The following PDZD7 variants were observed in gnomAD, a reference collection of about 807,000 sequenced individuals.
PDZD7 encodes the protein PDZ domain containing 7.
In PDZD7, 72 loss-of-function variants were observed where a neutral mutation model predicts 84.7. That is an observed-to-expected ratio of 0.85 (90% confidence interval 0.70 to 1.03). PDZD7 has a LOEUF of 1.03. Ranked by LOEUF, PDZD7 falls within the 50% of genes least tolerant of loss-of-function variation. The probability of loss-of-function intolerance (pLI) is 0.00; values close to 1 mark genes in which losing one functional copy is unlikely to be tolerated. For missense variants in PDZD7, 1,490 were observed against 1,412.9 expected (o/e 1.05, Z -0.87); for synonymous variants, 594 against 580.7 (o/e 1.02, Z -0.33).
At chr10:101,018,698 T>A in intron 8 of PDZD7, 124 bp downstream of exon 8, 1 of 1,281,500 alleles carries the variant, frequency 7.8e-7, no homozygotes, top group Non-Finnish European at 1.0e-6. Context: ...AGCCTGGAGC[T>A]TGGGTTGGGC....
At position 101,030,290 on chromosome 10, in the gene PDZD7, G is replaced by C; in HGVS notation, c.-71C>G. The stretch of plus-strand genomic sequence containing the variant: ...CTAGCTCTGGAGAGGCCAGCCCTGC[G>C]TGCTTCGAGCTCCATGAGCCTCTGT... On this transcript the variant is annotated 5_prime_UTR_variant, in exon 2 of 17. Transcript: ENST00000619208. 1 of 1,366,396 alleles carries C rather than the reference G, an allele frequency of 7.3e-7. No homozygotes were observed. The highest frequency in any genetic ancestry group is 1.0e-6 in the Non-Finnish European group (1 of 990,244). The allele number at this position is 1,366,396 out of a possible 1,614,324, so 84.6% of individuals were successfully genotyped here.
chr10:101,014,922 T>C (rs1169275384), intron 11 of PDZD7, among the ~76,000 whole-genome samples: 1 of 152,154 alleles, frequency 6.6e-6, no homozygotes, highest in East Asian at 1.9e-4. Context: ...AAGAGCCCAG[T>C]GTACACACAC....
chr10:101,029,017 C>T (rs1937888791), intron 2 of PDZD7, among the ~76,000 whole-genome samples: 1 of 152,210 alleles, frequency 6.6e-6, no homozygotes, highest in Non-Finnish European at 1.5e-5. Context: ...CTGAACAGTC[C>T]AGTCTGGGAT....
At position 101,008,367 on chromosome 10, in the gene PDZD7, G is replaced by T; in HGVS notation, c.*100C>A. The T allele has an allele frequency of 8.3e-7, 1 of 1,208,680 alleles. No homozygotes were observed. The highest frequency in any genetic ancestry group is 1.1e-6 in the Non-Finnish European group (1 of 889,066). 74.9% of individuals were successfully genotyped at this position (1,208,680 alleles called of 1,614,324 possible). A position where few individuals can be genotyped will look rare whatever the true frequency, so the allele number is the denominator to read the frequency against. ...CCAGTGTGGCACTGGGAGGAGGCAG[G>T]GTGGGCAGGAGCTGGAGAGTCCTGA... is the stretch of plus-strand genomic sequence containing the variant. On this transcript the variant is annotated 3_prime_UTR_variant, in exon 17 of 17. Transcript: ENST00000619208.
intron 7 of PDZD7, among the ~76,000 whole-genome samples, 170 bp from the exon 8 acceptor site, chr10:101,019,387 C>A (rs1016031886): frequency 8.5e-5 from 13 of 152,180 alleles, no homozygotes; most frequent in Non-Finnish European, 1.3e-4. Flanking sequence ...TGACCTAAGG[C>A]ATGTCACTTC....
chr10:101,019,205 AC>A lies in PDZD7; in HGVS notation c.940del (p.Val314CysfsTer125), dbSNP rs1359184406. 2 of 1,535,732 alleles carry A rather than the reference AC, an allele frequency of 1.3e-6. No homozygotes were observed. Among genetic ancestry groups the A allele is most frequent in the Non-Finnish European group, 1.7e-6 (2 of 1,146,792 alleles). On this transcript the variant is annotated frameshift_variant, in exon 8 of 17. Coordinates refer to ENST00000619208, the MANE Select transcript of PDZD7 (RefSeq NM_001195263.2). LOFTEE classifies it high-confidence loss of function. ...AGAGGCCGGGGACAGCTGCTGCAGCACCCCGTTGCTCACTGCAGGGAGTAGA... is the reference window on the plus strand; with the variant it reads ...AGAGGCCGGGGACAGCTGCTGCAGCACCCGTTGCTCACTGCAGGGAGTAGA... ...YCWLDRLSNG[V>X]LQQLSPASES...
chr10:101,010,092 G>C (rs1040943801), intron 15 of PDZD7, among the ~76,000 whole-genome samples, 180 bp downstream of exon 15: 1 of 151,786 alleles, frequency 6.6e-6, no homozygotes, highest in South Asian at 2.1e-4. Flanking sequence ...ACGGGGTTTC[G>C]CCATGTAGCC....
chr10:101,025,549 T>C (rs1347334221), intron 2 of PDZD7, among the ~76,000 whole-genome samples: 1 of 150,382 alleles, frequency 6.6e-6, no homozygotes, highest in Non-Finnish European at 1.5e-5. Flanking sequence ...TTTATTTATT[T>C]ATTTATTTAT....
chr10:101,008,209 C>A lies in PDZD7; in HGVS notation c.*258G>T. 1 of 508,906 alleles carries A rather than the reference C, an allele frequency of 2.0e-6. No individual in the cohort carries two copies. Among genetic ancestry groups the A allele is most frequent in the Non-Finnish European group, 3.4e-6 (1 of 290,506 alleles). 31.5% of individuals were successfully genotyped at this position (508,906 alleles called of 1,614,324 possible). ...CTCCAGACCTTGGCTTTCTCACCCC[C>A]TATCCTGGCTTGGGAGGTTGGGGAG... is the stretch of plus-strand genomic sequence containing the variant. On this transcript the variant is annotated 3_prime_UTR_variant, in exon 17 of 17. Coordinates refer to ENST00000619208, the MANE Select transcript of PDZD7 (RefSeq NM_001195263.2).
chr10:101,017,885 A>AAGAG (rs1390774301), intron 9 of PDZD7: 2 of 211,944 alleles, frequency 9.4e-6, no homozygotes, highest in Admixed American at 8.0e-5. Flanking sequence ...GAAAGAAAGA[A>AAGAG]AGAAAGAAAA....
At chr10:101,016,027 A>G (rs1852609801) in intron 10 of PDZD7, among the ~76,000 whole-genome samples, 1 of 152,136 alleles carries the variant, frequency 6.6e-6, no homozygotes, top group African/African-American at 2.4e-5. Flanking sequence ...CTGTTTCTTA[A>G]TGGGGTCTTA....
rs746060320 is a variant in PDZD7 at position 101,020,622 on chromosome 10, G to A, written c.924C>T (p.Asp308=). 4.3e-6 allele frequency: 7 copies of A among 1,613,666 alleles called. No homozygotes were observed. Among genetic ancestry groups the A allele is most frequent in the South Asian group, 2.2e-5 (2 of 91,082 alleles). The change falls in exon 7 of 17, where the codon GAC becomes GAT. Residue 308 remains aspartate (D), a synonymous_variant. Coordinates refer to ENST00000619208, the MANE Select transcript of PDZD7 (RefSeq NM_001195263.2). ...KEMVSEYCWL[D]RLSNGVLQQL... is the part of the protein sequence containing the mutation. ...TGGGAGATCTGAGCCACTTACGTCG[G>A]TCCAGCCAGCAGTACTCAGAAACCA...
chr10:101,011,261 C>G, intron 14 of PDZD7: 1 of 400,488 alleles, frequency 2.5e-6, no homozygotes, highest in Non-Finnish European at 4.1e-6. Context: ...AGGTTGGTCT[C>G]TACTCCTCAC....
At chr10:101,021,326 G>A (rs1001729599) in intron 6 of PDZD7, among the ~76,000 whole-genome samples, 1 of 152,098 alleles carries the variant, frequency 6.6e-6, no homozygotes, top group Non-Finnish European at 1.5e-5. Flanking sequence ...GGAATGAGAA[G>A]ACCTGATCCT....
At chr10:101,029,334 C>A (rs1444319023) in intron 2 of PDZD7, among the ~76,000 whole-genome samples, 1 of 152,034 alleles carries the variant, frequency 6.6e-6, no homozygotes, top group Non-Finnish European at 1.5e-5. Flanking sequence ...GAAGAGGGAG[C>A]CTGATTTCTC....
rs1590042361 is a variant in PDZD7 at position 101,008,227 on chromosome 10, T to G, written c.*240A>C. 2 of 511,456 alleles carry G rather than the reference T, an allele frequency of 3.9e-6. No homozygotes were observed. Among genetic ancestry groups the G allele is most frequent in the South Asian group, 4.0e-5 (1 of 24,778 alleles). The allele number at this position is 511,456 out of a possible 1,614,324, so 31.7% of individuals were successfully genotyped here. ...TCACCCCCTATCCTGGCTTGGGAGG[T>G]TGGGGAGCAGTGAGTGCAGGTGACA... On this transcript the variant is annotated 3_prime_UTR_variant, in exon 17 of 17. Transcript: ENST00000619208.
In PDZD7 at chr10:101,010,918, TC is replaced by T. The variant is rs1174208851; in HGVS notation, c.2006-36del. The stretch of plus-strand genomic sequence containing the variant: ...AGCGCCAAGGTCAGCTGCCCACTCC[TC>T]CCCTCTCCAGGACCCAGGCCTTGCT... On this transcript the variant is annotated intron_variant, in intron 14 of 16. Transcript: ENST00000619208. The T allele has an allele frequency of 7.9e-6, 12 of 1,512,798 alleles. 1 individual carries two copies. The African/African-American group carries it at 1.7e-4, about 22-fold the overall frequency. 93.7% of individuals were successfully genotyped at this position (1,512,798 alleles called of 1,614,324 possible).
Position 101,018,859 on chromosome 10 carries a change from G to T in PDZD7, c.1287C>A (p.Pro429=). 6.2e-7 allele frequency: 1 copy of T among 1,603,628 alleles called. No homozygotes were observed. The highest frequency in any genetic ancestry group is 8.5e-7 in the Non-Finnish European group (1 of 1,175,016). Residue 429 remains proline, a synonymous_variant, in exon 8 of 17, where the codon CCC becomes CCA. Coordinates refer to ENST00000619208, the MANE Select transcript of PDZD7 (RefSeq NM_001195263.2). ...ALLLALSRPR[P]PITRSQSYLT... is the part of the protein sequence containing the mutation. The stretch of plus-strand genomic sequence containing the variant: ...GATAGCTCTGGGAGCGCGTGATGGG[G>T]GGCCGGGGTCGGCTGAGGGCCAGCA...
Position 101,015,687 on chromosome 10 carries a change from CTG to C in PDZD7, c.1696_1697del (p.Gln566GlufsTer5). On this transcript the variant is annotated frameshift_variant, in exon 11 of 17. Coordinates refer to ENST00000619208, the MANE Select transcript of PDZD7 (RefSeq NM_001195263.2). LOFTEE classifies it high-confidence loss of function. ...GCACCTCGTCATCAGTCAGCAGCCTCTGGGCCAGGTCCTGAATGAGGGGCCGC... is the reference window on the plus strand; with the variant it reads ...GCACCTCGTCATCAGTCAGCAGCCTCGGCCAGGTCCTGAATGAGGGGCCGC... ...SRRPLIQDLA[Q>X]RLLTDDEVLA... is the part of the protein sequence containing the mutation. 1 of 1,550,482 alleles carries C rather than the reference CTG, an allele frequency of 6.4e-7. No individual in the cohort carries two copies. Among genetic ancestry groups the C allele is most frequent in the South Asian group, 1.2e-5 (1 of 84,052 alleles).
Sources: allele counts gnomAD v4.1 joint callset (sites outside exome capture counted in the v4.1 genomes callset), GRCh38; gene constraint gnomAD v4.1.1; transcripts MANE v1.5; gene names NCBI Gene and HGNC (gene_info 2026-07-23, HGNC 2026-07-21).